The following ELP4 variants were observed in gnomAD, a reference collection of about 807,000 sequenced individuals.
ELP4 encodes elongator complex protein 4.
A neutral mutation model predicts 48.9 loss-of-function variants in ELP4; 51 were observed. That is an observed-to-expected ratio of 1.04 (90% CI 0.83 to 1.32). The LOEUF (loss-of-function observed/expected upper bound fraction) is 1.32. Among genes scored for constraint, ELP4 ranks in the 40% most tolerant of loss-of-function variants. The pLI is 0.00. For synonymous variants in ELP4, 210 were observed against 189.2 expected (o/e 1.11, Z -0.90); for missense variants, 519 against 514.6 (o/e 1.01, Z -0.08).
intron 9 of ELP4, among the ~76,000 whole-genome samples, chr11:31,746,465 A>G (rs1241396233): frequency 6.6e-6 from 1 of 152,238 alleles, no homozygotes; most frequent in Non-Finnish European, 1.5e-5. Context: ...ACTATTCACA[A>G]TAGCAAATAC....
At chr11:31,766,705 A>G (rs1195710261) in intron 9 of ELP4, among the ~76,000 whole-genome samples, 1 of 151,598 alleles carries the variant, frequency 6.6e-6, no homozygotes, top group African/African-American at 2.4e-5. Flanking sequence ...AAATAAATAT[A>G]TAATGAAAAT....
intron 9 of ELP4, among the ~76,000 whole-genome samples, chr11:31,777,076 T>G (rs1295189651): frequency 3.9e-5 from 6 of 152,092 alleles, no homozygotes; most frequent in Admixed American, 3.9e-4. Context: ...TGTAGAATAA[T>G]TACAATATAA....
chr11:31,713,003 A>G (rs1946774284), intron 9 of ELP4, among the ~76,000 whole-genome samples: 1 of 151,782 alleles, frequency 6.6e-6, no homozygotes, highest in African/African-American at 2.4e-5. Context: ...CCCTTTTCAC[A>G]TTGCTTTTGT....
At chr11:31,625,985 A>T (rs1008045614) in intron 5 of ELP4, among the ~76,000 whole-genome samples, 2 of 151,956 alleles carry the variant, frequency 1.3e-5, no homozygotes, top group Admixed American at 1.3e-4. Context: ...ATTTTTCATT[A>T]TCTGGAGCTG....
At chr11:31,654,687 A>C (rs1014274520) in intron 9 of ELP4, 1 of 151,874 alleles carries the variant, frequency 6.6e-6, no homozygotes, top group African/African-American at 2.4e-5. Flanking sequence ...AGTAGCTATG[A>C]TAATGTGTAA....
chr11:31,672,386 G>A (rs1015776607), intron 9 of ELP4, among the ~76,000 whole-genome samples: 2 of 152,174 alleles, frequency 1.3e-5, no homozygotes, highest in African/African-American at 4.8e-5. Context: ...CTTTTGTTAT[G>A]AGGTGATTTT....
intron 3 of ELP4, among the ~76,000 whole-genome samples, chr11:31,575,640 A>G (rs539637204): frequency 6.6e-6 from 1 of 152,246 alleles, no homozygotes; most frequent in Non-Finnish European, 1.5e-5. Context: ...AATATTCAAC[A>G]TTCTTAAAGA....
chr11:31,777,566 G>C (rs1222365356), intron 9 of ELP4, among the ~76,000 whole-genome samples: 1 of 152,150 alleles, frequency 6.6e-6, no homozygotes, highest in African/African-American at 2.4e-5. Context: ...TCCTTCCATA[G>C]TAATAGATTT....
chr11:31,736,217 G>C (rs1345365433), intron 9 of ELP4, among the ~76,000 whole-genome samples: 3 of 152,044 alleles, frequency 2.0e-5, no homozygotes, highest in South Asian at 2.1e-4. Flanking sequence ...GAAAAACAAA[G>C]AATGGGGAAA....
intron 1 of ELP4, among the ~76,000 whole-genome samples, chr11:31,519,606 C>T (rs960412312): frequency 6.6e-5 from 10 of 152,130 alleles, no homozygotes; most frequent in African/African-American, 2.2e-4. Context: ...AGGTGGATCA[C>T]GTGAGGTCAG....
chr11:31,638,958 T>C (rs1199152817), intron 7 of ELP4, among the ~76,000 whole-genome samples: 1 of 151,894 alleles, frequency 6.6e-6, no homozygotes, highest in Non-Finnish European at 1.5e-5. Flanking sequence ...CAGCTATAAA[T>C]TTTGGGAAAA....
chr11:31,629,217 G>A (rs1944809158), intron 6 of ELP4, among the ~76,000 whole-genome samples: 1 of 151,850 alleles, frequency 6.6e-6, no homozygotes. Flanking sequence ...TTTGAACATG[G>A]ATTTTACTTA....
intron 9 of ELP4, among the ~76,000 whole-genome samples, chr11:31,679,295 ATGG>A (rs1449843314): frequency 1.3e-5 from 2 of 152,206 alleles, no homozygotes; most frequent in African/African-American, 4.8e-5. Context: ...TGTCTTGATT[ATGG>A]TAGCTTTATA....
intron 9 of ELP4, chr11:31,761,974 G>A (rs1423280394): frequency 6.6e-6 from 1 of 152,330 alleles, no homozygotes; most frequent in Non-Finnish European, 1.5e-5. Context: ...GTAATAAGTG[G>A]CGACTCAGAA....
chr11:31,519,584 G>GT lies in ELP4; in HGVS notation c.224-472_224-471insT, dbSNP rs1230741603. Among the ~76,000 whole-genome samples, 4 of 152,138 alleles carry GT rather than the reference G, an allele frequency of 2.6e-5. No homozygotes were observed. In the East Asian group the frequency reaches 5.8e-4, roughly 22 times the overall value. Reference sequence around the variant, plus strand: ...TCACGCCTGTAATCCCAGCACTTTGGGAGCCCAAGGCAGGTGGATCACGTG... The same window carrying GT: ...TCACGCCTGTAATCCCAGCACTTTGGTGAGCCCAAGGCAGGTGGATCACGTG... On this transcript the variant is annotated intron_variant, in intron 1 of 9. Coordinates refer to ENST00000640961, the MANE Select transcript of ELP4 (RefSeq NM_019040.5).
At chr11:31,586,059 G>A (rs1235980037) in intron 3 of ELP4, among the ~76,000 whole-genome samples, 1 of 152,090 alleles carries the variant, frequency 6.6e-6, no homozygotes, top group Non-Finnish European at 1.5e-5. Context: ...ATTACAATGT[G>A]GGAAATTTTT....
intron 9 of ELP4, among the ~76,000 whole-genome samples, chr11:31,747,196 T>G (rs1947614698): frequency 6.6e-6 from 1 of 152,052 alleles, no homozygotes; most frequent in African/African-American, 2.4e-5. Context: ...AGAATACAAG[T>G]GTTAATTCTA....
At chr11:31,573,749 CA>C (rs1353648134) in intron 3 of ELP4, 1 of 151,962 alleles carries the variant, frequency 6.6e-6, no homozygotes, top group Non-Finnish European at 1.5e-5. Flanking sequence ...CTGAGGAGGA[CA>C]CAAACATTGA....
intron 3 of ELP4, among the ~76,000 whole-genome samples, chr11:31,571,837 G>A (rs1190837116): frequency 6.6e-6 from 1 of 152,152 alleles, no homozygotes; most frequent in Non-Finnish European, 1.5e-5. Context: ...TTTCCATATA[G>A]TGGGCTTAAA....
Sources: gnomAD v4.1 joint callset for allele counts (sites outside exome capture counted in the v4.1 genomes callset) on GRCh38, gnomAD v4.1.1 for gene constraint, MANE v1.5 for transcripts, NCBI Gene and HGNC (gene_info 2026-07-23, HGNC 2026-07-21) for gene names.